Variants in ACSS3 observed in about 807,000 individuals in gnomAD.
ACSS3 encodes the protein acyl-CoA synthetase short-chain family member 3, mitochondrial.
Under a neutral mutation model 84.2 loss-of-function variants are expected in ACSS3, and 64 were observed. The ratio of observed to expected loss-of-function variants is 0.76; its 90% CI spans 0.62 to 0.94. ACSS3 has a LOEUF of 0.94. Among genes scored for constraint, ACSS3 ranks in the 40% least tolerant of loss-of-function variants. The pLI is 0.00. For missense variants in ACSS3, 815 were observed against 867.6 expected, an observed-to-expected ratio of 0.94 and a Z score of 0.76; for synonymous variants, 317 against 310.1, an observed-to-expected ratio of 1.02 and a Z score of -0.23.
chr12:81,146,756 A>G (rs969254835), intron 5 of ACSS3, among the ~76,000 whole-genome samples: 5 of 152,298 alleles, frequency 3.3e-5, no homozygotes, highest in African/African-American at 1.2e-4. Context: ...AAAGCACTAC[A>G]TGATAAAAGA....
chr12:81,127,468 C>T (rs529811906), intron 2 of ACSS3, among the ~76,000 whole-genome samples: 1 of 152,008 alleles, frequency 6.6e-6, no homozygotes, highest in South Asian at 2.1e-4. Context: ...ACAAGTAAAA[C>T]AAACAAAAAT....
chr12:81,124,428 G>A (rs757494447), intron 2 of ACSS3: 1 of 151,992 alleles, frequency 6.6e-6, no homozygotes, highest in African/African-American at 2.4e-5. Context: ...GCATATTGTT[G>A]TTCCATTTCA....
intron 13 of ACSS3, among the ~76,000 whole-genome samples, chr12:81,238,466 G>C (rs2033696354): frequency 6.6e-6 from 1 of 151,600 alleles, no homozygotes; most frequent in Non-Finnish European, 1.5e-5. Context: ...CTGATGAATT[G>C]GTAGAATTCA....
At chr12:81,168,533 G>T (rs1360832269) in intron 7 of ACSS3, among the ~76,000 whole-genome samples, 1 of 152,148 alleles carries the variant, frequency 6.6e-6, no homozygotes, top group Admixed American at 6.5e-5. Context: ...CGAAAACACT[G>T]GATGAGAGTG....
chr12:81,130,421 C>G (rs1171540771), intron 2 of ACSS3, among the ~76,000 whole-genome samples: 1 of 152,128 alleles, frequency 6.6e-6, no homozygotes, highest in Non-Finnish European at 1.5e-5. Flanking sequence ...GCATAAATGT[C>G]TTCTTTTGAG....
intron 1 of ACSS3, among the ~76,000 whole-genome samples, chr12:81,099,432 G>A (rs1028053623): frequency 4.6e-5 from 7 of 152,164 alleles, no homozygotes; most frequent in Non-Finnish European, 1.0e-4. Flanking sequence ...TGAGAACACA[G>A]ATAAAGTTGC....
chr12:81,156,088 T>A (rs1886848131), intron 7 of ACSS3, among the ~76,000 whole-genome samples: 1 of 151,656 alleles, frequency 6.6e-6, no homozygotes, highest in African/African-American at 2.4e-5. Flanking sequence ...AAACTAAAAA[T>A]TAAAAAGAGT....
intron 1 of ACSS3, among the ~76,000 whole-genome samples, chr12:81,101,943 A>G (rs1882541600): frequency 6.6e-6 from 1 of 152,004 alleles, no homozygotes; most frequent in Admixed American, 6.6e-5. Context: ...TAATTTGTAG[A>G]AACACTTTAA....
At chr12:81,090,496 A>C (rs1450517480) in intron 1 of ACSS3, among the ~76,000 whole-genome samples, 1 of 133,884 alleles carries the variant, frequency 7.5e-6, no homozygotes, top group Non-Finnish European at 1.5e-5. Flanking sequence ...ACTGACATTA[A>C]AAACTTCACC....
At chr12:81,114,542 G>T (rs1337040209) in intron 2 of ACSS3, among the ~76,000 whole-genome samples, 1 of 152,086 alleles carries the variant, frequency 6.6e-6, no homozygotes, top group Non-Finnish European at 1.5e-5. Flanking sequence ...GGTTGTCTTT[G>T]TTCAGGGGAA....
chr12:81,222,249 T>G (rs2033135384), intron 11 of ACSS3, among the ~76,000 whole-genome samples: 1 of 152,076 alleles, frequency 6.6e-6, no homozygotes, highest in Non-Finnish European at 1.5e-5. Context: ...CAGTAGAATT[T>G]GATTCCTCTC....
At chr12:81,169,673 AT>A (rs910165842) in intron 7 of ACSS3, among the ~76,000 whole-genome samples, 3 of 151,524 alleles carry the variant, frequency 2.0e-5, no homozygotes, top group Non-Finnish European at 3.0e-5. Flanking sequence ...CTGCATTTTA[AT>A]TTTTTTTTCA....
chr12:81,124,883 C>T (rs1884944326), intron 2 of ACSS3, among the ~76,000 whole-genome samples: 1 of 152,172 alleles, frequency 6.6e-6, no homozygotes, highest in Admixed American at 6.5e-5. Context: ...GTTAATCTAT[C>T]TTATACCTAT....
intron 7 of ACSS3, among the ~76,000 whole-genome samples, chr12:81,162,067 C>T (rs970056349): frequency 5.3e-4 from 80 of 152,128 alleles, no homozygotes; most frequent in Non-Finnish European, 2.4e-4. Context: ...CAAGCAGGGA[C>T]GGAGGCCGTG....
intron 10 of ACSS3, among the ~76,000 whole-genome samples, chr12:81,217,878 A>C (rs1415606292): frequency 6.6e-6 from 1 of 152,024 alleles, no homozygotes. Flanking sequence ...AATAAAAACA[A>C]AGGGGGAGGA....
chr12:81,105,988 T>C (rs1288144863), intron 1 of ACSS3, among the ~76,000 whole-genome samples: 1 of 152,146 alleles, frequency 6.6e-6, no homozygotes, highest in Non-Finnish European at 1.5e-5. Flanking sequence ...ACTGCAAAGT[T>C]TGTAATCAGT....
In ACSS3 at chr12:81,174,877, A is replaced by G. The variant is rs1435320531; in HGVS notation, c.1188A>G (p.Ala396=). 2 of 1,613,864 alleles carry G rather than the reference A, an allele frequency of 1.2e-6. No homozygotes were observed. Among genetic ancestry groups the G allele is most frequent in the East Asian group, 2.2e-5 (1 of 44,872 alleles). The change falls in exon 8 of 16, where the codon GCA becomes GCG. Residue 396 remains alanine (A), a synonymous_variant. Coordinates refer to ENST00000548058, the MANE Select transcript of ACSS3 (RefSeq NM_024560.4). ...GVAALFTAPT[A]IRAIRQQDPG... Reference sequence around the variant, plus strand: ...CTGCCTTGTTTACAGCACCAACTGCAATTAGAGCAATCCGTCAACAGGACC... The same window carrying G: ...CTGCCTTGTTTACAGCACCAACTGCGATTAGAGCAATCCGTCAACAGGACC...
At chr12:81,201,034 T>C (rs1195974759) in intron 9 of ACSS3, among the ~76,000 whole-genome samples, 1 of 152,190 alleles carries the variant, frequency 6.6e-6, no homozygotes, top group African/African-American at 2.4e-5. Context: ...TTTCTATTCC[T>C]TCCAGTTTTA....
At chr12:81,195,186 G>A (rs1244724704) in intron 8 of ACSS3, among the ~76,000 whole-genome samples, 1 of 151,976 alleles carries the variant, frequency 6.6e-6, no homozygotes, top group Admixed American at 6.6e-5. Flanking sequence ...AAATTTTAAT[G>A]TGTTATCTAA....
Sources: gnomAD v4.1 joint callset for allele counts (sites outside exome capture counted in the v4.1 genomes callset) on GRCh38, gnomAD v4.1.1 for gene constraint, MANE v1.5 for transcripts, NCBI Gene and HGNC (gene_info 2026-07-23, HGNC 2026-07-21) for gene names.